Variants in DENND1A observed in about 807,000 individuals in gnomAD.
The protein encoded by DENND1A is DENN domain-containing protein 1A.
DENND1A carries 51 observed loss-of-function variants against 113.7 expected under a neutral mutation model. That is an observed-to-expected ratio of 0.45 (90% CI 0.36 to 0.57). The LOEUF (loss-of-function observed/expected upper bound fraction) is 0.57. Among genes scored for constraint, DENND1A ranks in the 20% least tolerant of loss-of-function variants. DENND1A has a pLI of 0.00. For missense variants in DENND1A, 1,258 were observed against 1,395.9 expected, an observed-to-expected ratio of 0.90 and a Z score of 1.57; for synonymous variants, 565 against 570.8, an observed-to-expected ratio of 0.99 and a Z score of 0.14.
chr9:123,926,610 G>T (rs1188133059), intron 1 of DENND1A, among the ~76,000 whole-genome samples: 1 of 148,952 alleles, frequency 6.7e-6, no homozygotes, highest in Non-Finnish European at 1.5e-5. Context: ...CTAGTAAAAG[G>T]CCTGCGTAAA....
At chr9:123,847,774 A>C (rs1842812777) in intron 2 of DENND1A, among the ~76,000 whole-genome samples, 1 of 152,182 alleles carries the variant, frequency 6.6e-6, no homozygotes, top group East Asian at 1.9e-4. Flanking sequence ...GTCTCTACCG[A>C]AAATACAGAA....
intron 5 of DENND1A, among the ~76,000 whole-genome samples, chr9:123,717,075 G>A (rs940434386): frequency 5.9e-5 from 9 of 152,178 alleles, no homozygotes; most frequent in Admixed American, 3.9e-4. Context: ...GTCACACCGC[G>A]CCTAGGAAAC....
At chr9:123,445,302 C>T (rs1317534050) in intron 18 of DENND1A, among the ~76,000 whole-genome samples, 1 of 152,124 alleles carries the variant, frequency 6.6e-6, no homozygotes, top group Non-Finnish European at 1.5e-5. Context: ...AGAGTAGAGC[C>T]CCAGGCCCAG....
At chr9:123,819,263 T>C (rs1427063222) in intron 2 of DENND1A, among the ~76,000 whole-genome samples, 7 of 152,192 alleles carry the variant, frequency 4.6e-5, no homozygotes, top group Non-Finnish European at 1.0e-4. Flanking sequence ...CACACAAAAG[T>C]ATCCTTCACT....
intron 19 of DENND1A, among the ~76,000 whole-genome samples, chr9:123,421,953 C>T (rs1426691007): frequency 6.6e-6 from 1 of 152,168 alleles, no homozygotes; most frequent in African/African-American, 2.4e-5. Context: ...TGGCCCTTCA[C>T]AACACACATG....
intron 13 of DENND1A, among the ~76,000 whole-genome samples, chr9:123,535,081 C>A (rs2055632590): frequency 6.6e-6 from 1 of 152,170 alleles, no homozygotes; most frequent in Admixed American, 6.5e-5. Flanking sequence ...CCAAATAACA[C>A]CCCAAATCTG....
intron 5 of DENND1A, among the ~76,000 whole-genome samples, chr9:123,738,510 A>G (rs2068747489): frequency 1.5e-5 from 2 of 134,690 alleles, no homozygotes; most frequent in Admixed American, 7.3e-5. Flanking sequence ...TTTGCTTTTC[A>G]TTTTTTATTT....
At chr9:123,389,503 C>T (rs970981359) in intron 21 of DENND1A, among the ~76,000 whole-genome samples, 7 of 152,154 alleles carry the variant, frequency 4.6e-5, no homozygotes, top group East Asian at 3.9e-4. Context: ...GCAGGAATCT[C>T]GGGGCCAGGG....
intron 1 of DENND1A, among the ~76,000 whole-genome samples, chr9:123,885,872 C>G (rs185559301): frequency 6.6e-6 from 1 of 152,156 alleles, no homozygotes; most frequent in Non-Finnish European, 1.5e-5. Flanking sequence ...CTCCGCCTCC[C>G]GGGTTCAAGT....
At chr9:123,705,111 G>A (rs2066115680) in intron 5 of DENND1A, among the ~76,000 whole-genome samples, 1 of 151,648 alleles carries the variant, frequency 6.6e-6, no homozygotes, top group Admixed American at 6.6e-5. Context: ...AAAGCACTGT[G>A]AAGACAGCAA....
intron 1 of DENND1A, among the ~76,000 whole-genome samples, chr9:123,914,697 G>A (rs1854759481): frequency 6.6e-6 from 1 of 151,978 alleles, no homozygotes; most frequent in South Asian, 2.1e-4. Context: ...GTGACAGGGA[G>A]CCAGCGTGTC....
At chr9:123,640,082 A>G (rs1479986927) in intron 9 of DENND1A, among the ~76,000 whole-genome samples, 1 of 152,156 alleles carries the variant, frequency 6.6e-6, no homozygotes, top group Non-Finnish European at 1.5e-5. Flanking sequence ...CTGTGCTCTG[A>G]TCTATATTAA....
chr9:123,802,806 G>T (rs368673915), intron 2 of DENND1A, among the ~76,000 whole-genome samples: 21 of 151,740 alleles, frequency 1.4e-4, no homozygotes, highest in Non-Finnish European at 2.9e-4. Context: ...GGGTTCAAGC[G>T]ATTCTCCTGC....
intron 3 of DENND1A, among the ~76,000 whole-genome samples, chr9:123,780,518 T>C (rs1020996731): frequency 2.6e-5 from 4 of 152,190 alleles, no homozygotes; most frequent in African/African-American, 7.2e-5. Flanking sequence ...TTAATCCTCA[T>C]AGGAAGCAGT....
chr9:123,645,463 A>C (rs115363352), intron 9 of DENND1A, among the ~76,000 whole-genome samples: 4,678 of 152,238 alleles, frequency 0.031, 85 homozygotes, highest in African/African-American at 0.04. Flanking sequence ...AGCCACTCTT[A>C]AGGAAATAAA....
chr9:123,887,174 AT>A (rs1849223078), intron 1 of DENND1A, among the ~76,000 whole-genome samples: 2 of 152,294 alleles, frequency 1.3e-5, no homozygotes, highest in African/African-American at 4.8e-5. Flanking sequence ...ATCAATAAAC[AT>A]TTTTGACCTT....
At chr9:123,814,556 T>G (rs1490303907) in intron 2 of DENND1A, among the ~76,000 whole-genome samples, 6 of 152,172 alleles carry the variant, frequency 3.9e-5, no homozygotes, top group Non-Finnish European at 8.8e-5. Flanking sequence ...AGACACAGTA[T>G]GAGGTTTTCC....
intron 19 of DENND1A, among the ~76,000 whole-genome samples, chr9:123,425,270 A>AT (rs2045624337): frequency 6.6e-6 from 1 of 152,208 alleles, no homozygotes; most frequent in African/African-American, 2.4e-5. Context: ...GTTGGGCTCA[A>AT]TATCTCCCCG....
At chr9:123,410,968 A>C (rs2044263052) in intron 20 of DENND1A, among the ~76,000 whole-genome samples, 1 of 152,076 alleles carries the variant, frequency 6.6e-6, no homozygotes, top group African/African-American at 2.4e-5. Flanking sequence ...GACTCCACTG[A>C]TGCTTAACAC....
Sources: allele counts gnomAD v4.1 joint callset (sites outside exome capture counted in the v4.1 genomes callset), GRCh38; gene constraint gnomAD v4.1.1; transcripts MANE v1.5; gene names NCBI Gene and HGNC (gene_info 2026-07-23, HGNC 2026-07-21).